EIF3M: variants seen among roughly 807,000 people sequenced by gnomAD.
The protein encoded by EIF3M is eukaryotic translation initiation factor 3 subunit M.
In EIF3M, 25 loss-of-function variants were observed where a neutral mutation model predicts 49.7. That is an observed-to-expected ratio of 0.50 (90% CI 0.37 to 0.70). EIF3M has a LOEUF of 0.70. Ranked by LOEUF, EIF3M falls within the 30% of genes least tolerant of loss-of-function variation. The probability of loss-of-function intolerance (pLI) is 0.00; values close to 1 mark genes in which losing one functional copy is unlikely to be tolerated. For synonymous variants in EIF3M, 156 were observed against 149.8 expected (o/e 1.04, Z -0.30); for missense variants, 350 against 440.0 (o/e 0.80, Z 1.83).
chr11:32,602,329 A>G lies in EIF3M; in HGVS notation c.1055A>G (p.Asp352Gly). 1 of 1,612,822 alleles carries G rather than the reference A, an allele frequency of 6.2e-7. No individual in the cohort carries two copies. Among genetic ancestry groups the G allele is most frequent in the Non-Finnish European group, 8.5e-7 (1 of 1,179,152 alleles). The change falls in exon 11 of 11, where the codon GAC becomes GGC. Residue 352 changes from aspartate to glycine, a missense_variant. Asp to Gly is a moderately conservative substitution (Grantham distance 94). Coordinates refer to ENST00000531120, the MANE Select transcript of EIF3M (RefSeq NM_006360.6). ...AAACAGCAGTGGCAACAACTGTATGACACACTTAATGCCTGGAAACAAAAT... is the reference window on the plus strand; with the variant it reads ...AAACAGCAGTGGCAACAACTGTATGGCACACTTAATGCCTGGAAACAAAAT... Reference protein sequence around the residue: ...FGKQQWQQLYDTLNAWKQNLN... With the variant: ...FGKQQWQQLYGTLNAWKQNLN...
intron 1 of EIF3M, among the ~76,000 whole-genome samples, chr11:32,584,607 C>CAAAAAAAA (rs796738414): frequency 0.044 from 2,711 of 61,992 alleles, 355 homozygotes; most frequent in Non-Finnish European, 0.053. Flanking sequence ...GAGTCCCTCT[C>CAAAAAAAA]AAAAAAAAAA....
chr11:32,602,464 A>G lies in EIF3M; in HGVS notation c.*65A>G. 1.9e-6 allele frequency: 3 copies of G among 1,553,214 alleles called. No homozygotes were observed. The highest frequency in any genetic ancestry group is 2.6e-6 in the Non-Finnish European group (3 of 1,151,254). ...CCTAAATCATAGTAAAACATTATAAACTAAAAAAATTTGCCTAGTCTGGAC... is the reference window on the plus strand; with the variant it reads ...CCTAAATCATAGTAAAACATTATAAGCTAAAAAAATTTGCCTAGTCTGGAC... On this transcript the variant is annotated 3_prime_UTR_variant, in exon 11 of 11. Coordinates refer to ENST00000531120, the MANE Select transcript of EIF3M (RefSeq NM_006360.6).
chr11:32,600,797 T>G lies in EIF3M; in HGVS notation c.908T>G (p.Ile303Ser). ...SFDTMQQELQIGADDVEAFVI... is the reference protein window; with the variant it reads ...SFDTMQQELQSGADDVEAFVI... Reference sequence around the variant, plus strand: ...GACACAATGCAGCAAGAACTTCAGATTGGAGCTGATGATGTTGAAGCATTT... The same window carrying G: ...GACACAATGCAGCAAGAACTTCAGAGTGGAGCTGATGATGTTGAAGCATTT... Residue 303 changes from isoleucine (I) to serine (S), a missense_variant, in exon 9 of 11, where the codon ATT becomes AGT. Ile to Ser is a moderately radical substitution (Grantham distance 142, BLOSUM62 -2). Coordinates refer to ENST00000531120, the MANE Select transcript of EIF3M (RefSeq NM_006360.6). The G allele has an allele frequency of 6.2e-7, 1 of 1,610,250 alleles. No individual in the cohort carries two copies. The highest frequency in any genetic ancestry group is 8.5e-7 in the Non-Finnish European group (1 of 1,177,880).
intron 1 of EIF3M, among the ~76,000 whole-genome samples, chr11:32,585,293 G>A (rs931254692): frequency 1.3e-5 from 2 of 152,116 alleles, no homozygotes; most frequent in Non-Finnish European, 2.9e-5. Flanking sequence ...AAAGTGTTTG[G>A]AATTTTTTTT....
At chr11:32,588,528 C>A in intron 2 of EIF3M, 66 bp from the exon 3 acceptor site, 2 of 1,542,114 alleles carry the variant, frequency 1.3e-6, no homozygotes, top group African/African-American at 1.4e-5. Flanking sequence ...ACTGGAAATG[C>A]ATATTTAACT....
chr11:32,602,221 A>G (rs1344678148), intron 10 of EIF3M, 58 bp from the exon 11 acceptor site: 2 of 1,584,288 alleles, frequency 1.3e-6, no homozygotes, highest in Non-Finnish European at 1.7e-6. Flanking sequence ...TAGTATTATA[A>G]AAGAATACCA....
chr11:32,596,855 A>C (rs1855188793), intron 8 of EIF3M, among the ~76,000 whole-genome samples: 1 of 152,134 alleles, frequency 6.6e-6, no homozygotes, highest in Admixed American at 6.5e-5. Flanking sequence ...CAGTGAGTTC[A>C]GATCACACTG....
chr11:32,585,173 A>G (rs558250469), intron 1 of EIF3M, among the ~76,000 whole-genome samples: 1 of 152,228 alleles, frequency 6.6e-6, no homozygotes, highest in African/African-American at 2.4e-5. Context: ...AGGCGGAGAA[A>G]AGGTCAAGGA....
At chr11:32,587,208 T>C in intron 2 of EIF3M, 64 bp downstream of exon 2, 1 of 1,470,452 alleles carries the variant, frequency 6.8e-7, no homozygotes, top group Admixed American at 2.1e-5. Flanking sequence ...TTGTGAATTA[T>C]AGAGTCGTCC....
At chr11:32,602,122 T>A in intron 10 of EIF3M, 157 bp from the exon 11 acceptor site, 1 of 1,183,274 alleles carries the variant, frequency 8.5e-7, no homozygotes, top group Non-Finnish European at 1.2e-6. Context: ...ATGGTAAAGA[T>A]TTTTTTTAAA....
At chr11:32,586,081 T>C (rs149976072) in intron 1 of EIF3M, among the ~76,000 whole-genome samples, 149 of 152,178 alleles carry the variant, frequency 9.8e-4, no homozygotes, top group Middle Eastern at 3.4e-3. Flanking sequence ...AATACAAAAT[T>C]AGCTGGGCAT....
chr11:32,592,469 G>A, intron 5 of EIF3M: 1 of 529,784 alleles, frequency 1.9e-6, no homozygotes. Context: ...TTTCTTCACT[G>A]TTGGATGGGC....
At chr11:32,588,939 T>C in intron 3 of EIF3M, 73 bp from the exon 4 acceptor site, 1 of 1,577,622 alleles carries the variant, frequency 6.3e-7, no homozygotes, top group Non-Finnish European at 8.6e-7. Context: ...CACAGGTTTG[T>C]GGTGAGAGCT....
intron 9 of EIF3M, 194 bp downstream of exon 9, chr11:32,601,026 C>G (rs1039078358): frequency 2.4e-5 from 13 of 539,916 alleles, no homozygotes; most frequent in African/African-American, 2.4e-4. Flanking sequence ...TATATTCTAT[C>G]CCTTGAAATC....
At position 32,606,241 on chromosome 11, in the gene EIF3M, A is replaced by C. The variant is rs1273557622; in HGVS notation, c.*3842A>C. The C allele has an allele frequency of 2.0e-5, 3 of 152,254 alleles. No individual in the cohort carries two copies. The highest frequency in any genetic ancestry group is 2.0e-4 in the Admixed American group (3 of 15,290). The allele number at this position is 152,254 out of a possible 1,614,324, so 9.4% of individuals were successfully genotyped here. ...GACTGTACATAAAATATGTTGAAAA[A>C]TAAAACTATTTTTTTGGCTATAAGT... On this transcript the variant is annotated 3_prime_UTR_variant, in exon 11 of 11. Transcript: ENST00000531120.
chr11:32,589,508 T>C (rs753627173), intron 4 of EIF3M, 39 bp from the exon 5 acceptor site: 1 of 1,557,920 alleles, frequency 6.4e-7, no homozygotes, highest in African/African-American at 1.4e-5. Flanking sequence ...ATACTTTATA[T>C]GTGTTACTCA....
At chr11:32,588,132 T>C (rs1308121957) in intron 2 of EIF3M, among the ~76,000 whole-genome samples, 1 of 152,160 alleles carries the variant, frequency 6.6e-6, no homozygotes, top group Non-Finnish European at 1.5e-5. Context: ...GGCTCACGCC[T>C]GTAATCCCAG....
intron 2 of EIF3M, among the ~76,000 whole-genome samples, chr11:32,588,107 T>C (rs1238638263): frequency 6.6e-6 from 1 of 152,042 alleles, no homozygotes; most frequent in Non-Finnish European, 1.5e-5. Flanking sequence ...AACCACATCA[T>C]AGGCCAGGCA....
intron 2 of EIF3M, among the ~76,000 whole-genome samples, chr11:32,588,388 GAAAAA>G (rs71463359): frequency 3.2e-5 from 3 of 93,060 alleles, no homozygotes; most frequent in Non-Finnish European, 6.5e-5. Flanking sequence ...GACTTCATCT[GAAAAA>G]AAAAAAAAAA....
Sources: gnomAD v4.1 joint callset for allele counts (sites outside exome capture counted in the v4.1 genomes callset) on GRCh38, gnomAD v4.1.1 for gene constraint, MANE v1.5 for transcripts, NCBI Gene and HGNC (gene_info 2026-07-23, HGNC 2026-07-21) for gene names.